The following ETV1 variants were observed in gnomAD, a reference collection of about 807,000 sequenced individuals.
ETV1 encodes the protein ETS variant transcription factor 1.
In ETV1, 27 loss-of-function variants were observed where a neutral mutation model predicts 62.3. The ratio of observed to expected loss-of-function variants is 0.43; its 90% CI spans 0.32 to 0.60. The LOEUF is 0.60. Ranked by LOEUF, ETV1 falls within the 20% of genes least tolerant of loss-of-function variation. The probability of loss-of-function intolerance (pLI) is 0.06; values close to 1 mark genes in which losing one functional copy is unlikely to be tolerated. For missense variants in ETV1, 605 were observed against 605.8 expected, an observed-to-expected ratio of 1.00 and a Z score of 0.01; for synonymous variants, 222 against 199.6, an observed-to-expected ratio of 1.11 and a Z score of -0.94.
Position 13,921,893 on chromosome 7 carries a change from T to C in ETV1, c.802+9609A>G, listed in dbSNP as rs569646391. Among the ~76,000 whole-genome samples, 7 of 152,306 alleles carry C rather than the reference T, an allele frequency of 4.6e-5. No homozygotes were observed. In the East Asian group the frequency reaches 1.3e-3, roughly 29 times the overall value. On this transcript the variant is annotated intron_variant, in intron 9 of 13. Coordinates refer to ENST00000430479, the MANE Select transcript of ETV1 (RefSeq NM_004956.5). ...CTTTTTTTCCAGGGCTTTAAAAATA[T>C]TCAATATTTTCTAAGGAATTACTTT...
intron 5 of ETV1, chr7:13,986,142 G>T: frequency 6.3e-7 from 1 of 1,593,038 alleles, no homozygotes; most frequent in Non-Finnish European, 8.5e-7. Context: ...TGAACAAGGT[G>T]GAAAGAAGAC....
chr7:13,982,626 C>T (rs902410983), intron 5 of ETV1, among the ~76,000 whole-genome samples: 3 of 151,886 alleles, frequency 2.0e-5, no homozygotes, highest in African/African-American at 7.3e-5. Flanking sequence ...ATCCTCTCCC[C>T]GCCCACACAC....
intron 9 of ETV1, among the ~76,000 whole-genome samples, chr7:13,924,968 A>T (rs1347631052): frequency 6.6e-6 from 1 of 152,232 alleles, no homozygotes. Context: ...AAAAGGCCTC[A>T]TGAGTAGCAG....
chr7:13,908,655 C>A (rs1783232558), intron 11 of ETV1, among the ~76,000 whole-genome samples: 1 of 152,088 alleles, frequency 6.6e-6, no homozygotes, highest in African/African-American at 2.4e-5. Flanking sequence ...CTTCCCTAGA[C>A]TTACCAGCCC....
chr7:13,925,647 G>A (rs1785330582), intron 9 of ETV1, among the ~76,000 whole-genome samples: 1 of 151,186 alleles, frequency 6.6e-6, no homozygotes, highest in Admixed American at 6.6e-5. Flanking sequence ...CTCACTGCAA[G>A]CTACACCTCC....
chr7:13,987,144 C>G (rs1333921665), intron 4 of ETV1: 1 of 153,448 alleles, frequency 6.5e-6, no homozygotes, highest in Non-Finnish European at 1.4e-5. Flanking sequence ...GTACAACTGT[C>G]AAAGTATTAT....
chr7:13,943,362 CATT>C (rs1258874007), intron 6 of ETV1, among the ~76,000 whole-genome samples: 1 of 152,038 alleles, frequency 6.6e-6, no homozygotes, highest in African/African-American at 2.4e-5. Context: ...AAAAGATAGA[CATT>C]ATGAAGTTTT....
upstream of ETV1, chr7:13,989,821 C>G (rs767985356): frequency 2.6e-6 from 1 of 384,736 alleles, no homozygotes; most frequent in Non-Finnish European, 4.6e-6. Flanking sequence ...TCCCGCGGGT[C>G]TCCCTCGCCC....
rs1164040220 is a variant in ETV1, at chr7:13,931,768, T to C, written c.555-19A>G. ...GCGAAATCTAGGGAATAAGAGAGTG[T>C]GTTTCAGATGAAACGGTAACATGGA... On this transcript the variant is annotated intron_variant, in intron 8 of 13. Transcript: ENST00000430479. 3.1e-6 allele frequency: 5 copies of C among 1,609,894 alleles called. No individual in the cohort carries two copies. Among genetic ancestry groups the C allele is most frequent in the Non-Finnish European group, 4.2e-6 (5 of 1,176,696 alleles).
chr7:13,965,676 A>C (rs1790700253), intron 6 of ETV1, among the ~76,000 whole-genome samples: 1 of 152,150 alleles, frequency 6.6e-6, no homozygotes, highest in African/African-American at 2.4e-5. Flanking sequence ...TATTTGTCCT[A>C]ATAGAGATTA....
intron 7 of ETV1, among the ~76,000 whole-genome samples, chr7:13,937,386 C>G (rs1786922454): frequency 6.6e-6 from 1 of 152,204 alleles, no homozygotes; most frequent in South Asian, 2.1e-4. Context: ...ATACTATTCC[C>G]CCATGAAATG....
chr7:13,957,025 A>G (rs554564681), intron 6 of ETV1, among the ~76,000 whole-genome samples: 2 of 152,186 alleles, frequency 1.3e-5, no homozygotes, highest in African/African-American at 2.4e-5. Context: ...TTTTTTTAAA[A>G]CGTCAAACTA....
intron 5 of ETV1, 148 bp downstream of exon 5, chr7:13,986,490 T>A: frequency 1.3e-6 from 2 of 1,514,202 alleles, no homozygotes; most frequent in Non-Finnish European, 1.8e-6. Flanking sequence ...GACAAACTCA[T>A]CAGAGGCTCT....
At chr7:13,988,696 T>C (rs1171099397) in intron 3 of ETV1, 3 of 1,612,502 alleles carry the variant, frequency 1.9e-6, no homozygotes, top group South Asian at 2.2e-5. Flanking sequence ...CTTTTCAATG[T>C]GGCAGACAAA....
intron 9 of ETV1, among the ~76,000 whole-genome samples, chr7:13,930,351 T>C (rs1583671041): frequency 6.6e-6 from 1 of 152,138 alleles, no homozygotes; most frequent in African/African-American, 2.4e-5. Flanking sequence ...AGACGGAGTC[T>C]TACTCTGTCA....
intron 6 of ETV1, among the ~76,000 whole-genome samples, chr7:13,940,174 G>A (rs1258080747): frequency 6.6e-6 from 1 of 152,006 alleles, no homozygotes; most frequent in African/African-American, 2.4e-5. Context: ...ACCAGCCTGA[G>A]CAACATGGTG....
intron 6 of ETV1, among the ~76,000 whole-genome samples, chr7:13,970,870 GT>G (rs1314061571): frequency 2.6e-5 from 4 of 151,402 alleles, no homozygotes; most frequent in Non-Finnish European, 4.4e-5. Context: ...ACTGACTTCA[GT>G]TTTTTTAGAA....
At chr7:13,919,599 CACA>C (rs1350612085) in intron 9 of ETV1, among the ~76,000 whole-genome samples, 2 of 147,704 alleles carry the variant, frequency 1.4e-5, no homozygotes, top group African/African-American at 5.0e-5. Context: ...CACACACACA[CACA>C]AAATAAGAAC....
intron 8 of ETV1, 97 bp downstream of exon 8, chr7:13,935,611 T>C (rs1786712941): frequency 1.0e-6 from 1 of 977,370 alleles, no homozygotes; most frequent in Non-Finnish European, 1.6e-6. Context: ...ATTAATAGGC[T>C]CACCTTAAAT....
Sources: gnomAD v4.1 joint callset for allele counts (sites outside exome capture counted in the v4.1 genomes callset) on GRCh38, gnomAD v4.1.1 for gene constraint, MANE v1.5 for transcripts, NCBI Gene and HGNC (gene_info 2026-07-23, HGNC 2026-07-21) for gene names.